The following CNTN4 variants were observed in gnomAD, a reference collection of about 807,000 sequenced individuals.
The protein encoded by CNTN4 is contactin 4.
CNTN4 carries 77 observed loss-of-function variants against 122.5 expected under a neutral mutation model. That is an observed-to-expected ratio of 0.63 (90% CI 0.52 to 0.76). CNTN4 has a LOEUF of 0.76. CNTN4 is among the 30% of genes least tolerant of loss of function. CNTN4 has a pLI of 0.00. For missense variants in CNTN4, 1,256 were observed against 1,259.1 expected, an observed-to-expected ratio of 1.00 and a Z score of 0.04; for synonymous variants, 512 against 447.0, an observed-to-expected ratio of 1.15 and a Z score of -1.83.
intron 6 of CNTN4, among the ~76,000 whole-genome samples, chr3:2,791,227 C>A (rs981595670): frequency 2.0e-5 from 3 of 152,134 alleles, no homozygotes; most frequent in African/African-American, 7.2e-5. Flanking sequence ...GTTCAGAAAT[C>A]ACTTTTTAAA....
At chr3:2,758,094 T>C (rs541576956) in intron 6 of CNTN4, among the ~76,000 whole-genome samples, 3 of 152,314 alleles carry the variant, frequency 2.0e-5, no homozygotes, top group East Asian at 1.9e-4. Flanking sequence ...AAATTTAGAT[T>C]AATTATATCT....
chr3:2,741,785 C>T (rs1308416360), intron 5 of CNTN4, among the ~76,000 whole-genome samples: 2 of 152,100 alleles, frequency 1.3e-5, no homozygotes, highest in African/African-American at 4.8e-5. Flanking sequence ...GCTTTGTTTT[C>T]CCCCAAACTG....
intron 4 of CNTN4, among the ~76,000 whole-genome samples, chr3:2,714,013 T>C (rs1469482095): frequency 6.6e-6 from 1 of 152,158 alleles, no homozygotes; most frequent in Non-Finnish European, 1.5e-5. Context: ...GGCCGTTAAA[T>C]GTTAGCTATT....
At chr3:2,402,011 A>G (rs1394606152) in intron 3 of CNTN4, among the ~76,000 whole-genome samples, 1 of 152,152 alleles carries the variant, frequency 6.6e-6, no homozygotes, top group Non-Finnish European at 1.5e-5. Context: ...GTAGTCTAAT[A>G]AAACAGAATC....
chr3:2,340,890 T>G lies in CNTN4; in HGVS notation c.-89+1657T>G, dbSNP rs1623016. Among the ~76,000 whole-genome samples the G allele has an allele frequency of 9.0e-4, 137 of 151,704 alleles. 1 individual carries two copies. The highest frequency in any genetic ancestry group is 3.4e-3 in the Middle Eastern group (1 of 294). On this transcript the variant is annotated intron_variant, in intron 3 of 24. Transcript: ENST00000418658. Reference sequence around the variant, plus strand: ...TAACTTTATTATTTCCTATGAGTCTTTGGGATCAGCTGCTTGGGTCTTCTG... The same window carrying G: ...TAACTTTATTATTTCCTATGAGTCTGTGGGATCAGCTGCTTGGGTCTTCTG...
intron 5 of CNTN4, among the ~76,000 whole-genome samples, chr3:2,737,662 A>G (rs1160175373): frequency 6.6e-6 from 1 of 152,244 alleles, no homozygotes; most frequent in Non-Finnish European, 1.5e-5. Flanking sequence ...CAATAAAGAC[A>G]GTTTTCATGT....
intron 2 of CNTN4, among the ~76,000 whole-genome samples, chr3:2,108,865 A>G (rs535790375): frequency 6.6e-6 from 1 of 152,338 alleles, no homozygotes; most frequent in South Asian, 2.1e-4. Context: ...GTAAGCATCC[A>G]GTACACAGCT....
At chr3:2,785,114 TACACACACAC>T (rs150765167) in intron 6 of CNTN4, among the ~76,000 whole-genome samples, 2 of 138,834 alleles carry the variant, frequency 1.4e-5, no homozygotes, top group East Asian at 4.1e-4. Flanking sequence ...TGTACATGCG[TACACACACAC>T]ACACACACAC....
At chr3:2,346,836 G>A (rs111990859) in intron 3 of CNTN4, among the ~76,000 whole-genome samples, 1 of 152,122 alleles carries the variant, frequency 6.6e-6, no homozygotes, top group East Asian at 1.9e-4. Flanking sequence ...TTTCTCTTAC[G>A]CTATTCTGTT....
At chr3:2,468,172 T>G (rs2075567684) in intron 3 of CNTN4, among the ~76,000 whole-genome samples, 1 of 152,212 alleles carries the variant, frequency 6.6e-6, no homozygotes, top group Non-Finnish European at 1.5e-5. Flanking sequence ...ATTTTAATTT[T>G]CTTATTAAAT....
chr3:2,116,413 A>G (rs936298727), intron 2 of CNTN4, among the ~76,000 whole-genome samples: 1 of 152,112 alleles, frequency 6.6e-6, no homozygotes. Flanking sequence ...ACAAAATGTC[A>G]TCCTCAGAAA....
intron 12 of CNTN4, among the ~76,000 whole-genome samples, chr3:2,921,259 A>G (rs1479253955): frequency 6.6e-6 from 1 of 151,860 alleles, no homozygotes. Context: ...CTGGTCTTGA[A>G]CTCCTGGTTT....
Position 2,709,467 on chromosome 3 carries a change from A to G in CNTN4, c.56-26748A>G, listed in dbSNP as rs561666667. Reference sequence around the variant, plus strand: ...TCATCGTGTGCAATGGGGGATGGGAACTACTGAAACCTAATCCCCGCAATT... The same window carrying G: ...TCATCGTGTGCAATGGGGGATGGGAGCTACTGAAACCTAATCCCCGCAATT... On this transcript the variant is annotated intron_variant, in intron 4 of 24. Transcript: ENST00000418658. This position sits in a 1 kb window ranked among gnomAD's most constrained non-coding sequence, Gnocchi z 5.0. 6.6e-6 allele frequency among the ~76,000 whole-genome samples: 1 copy of G among 152,234 alleles called. No individual in the cohort carries two copies. The highest frequency in any genetic ancestry group is 2.1e-4 in the South Asian group (1 of 4,822).
At chr3:2,826,677 G>T (rs1212345027) in intron 7 of CNTN4, among the ~76,000 whole-genome samples, 1 of 152,138 alleles carries the variant, frequency 6.6e-6, no homozygotes, top group Non-Finnish European at 1.5e-5. Flanking sequence ...ATCACCTTCA[G>T]AGTTAGACTC....
At chr3:2,557,316 C>G (rs1451658233) in intron 3 of CNTN4, among the ~76,000 whole-genome samples, 1 of 152,206 alleles carries the variant, frequency 6.6e-6, no homozygotes, top group Non-Finnish European at 1.5e-5. Context: ...ACATAGATCT[C>G]ACATCGCATT....
intron 14 of CNTN4, among the ~76,000 whole-genome samples, chr3:2,995,751 G>C (rs560118179): frequency 2.0e-4 from 30 of 152,266 alleles, no homozygotes; most frequent in African/African-American, 6.5e-4. Context: ...CCTTTTGTTG[G>C]TGACTATGTG....
At chr3:2,606,229 G>A (rs549103489) in intron 4 of CNTN4, among the ~76,000 whole-genome samples, 74 of 152,264 alleles carry the variant, frequency 4.9e-4, no homozygotes, top group Admixed American at 1.2e-3. Flanking sequence ...AGATTGTCGT[G>A]ATTCCTTGGC....
At chr3:2,218,892 C>T (rs2038955570) in intron 2 of CNTN4, among the ~76,000 whole-genome samples, 1 of 152,096 alleles carries the variant, frequency 6.6e-6, no homozygotes, top group African/African-American at 2.4e-5. Context: ...TGTCATCTTC[C>T]TTTCTATATT....
chr3:3,049,663 G>A (rs1419900785), intron 23 of CNTN4, among the ~76,000 whole-genome samples: 1 of 152,202 alleles, frequency 6.6e-6, no homozygotes, highest in African/African-American at 2.4e-5. Context: ...GTGGACAGGA[G>A]AGATGTATTA....
Sources: allele counts gnomAD v4.1 joint callset (sites outside exome capture counted in the v4.1 genomes callset), GRCh38; gene constraint gnomAD v4.1.1; non-coding constraint Gnocchi (gnomAD v3.1); transcripts MANE v1.5; gene names NCBI Gene and HGNC (gene_info 2026-07-23, HGNC 2026-07-21).